Variants in CA10 observed in about 807,000 individuals in gnomAD.
CA10 encodes the protein carbonic anhydrase 10 (inactive).
A neutral mutation model predicts 44.2 loss-of-function variants in CA10; 14 were observed. That is an observed-to-expected ratio of 0.32 (90% CI 0.21 to 0.50). The LOEUF (loss-of-function observed/expected upper bound fraction) is 0.50. Ranked by LOEUF, CA10 falls within the 20% of genes least tolerant of loss-of-function variation. The probability of loss-of-function intolerance (pLI) is 0.99; values close to 1 mark genes in which losing one functional copy is unlikely to be tolerated. For missense variants in CA10, 350 were observed against 409.7 expected (o/e 0.85, Z 1.26); for synonymous variants, 159 against 141.6 (o/e 1.12, Z -0.87).
intron 4 of CA10, among the ~76,000 whole-genome samples, chr17:51,671,855 T>C (rs1224358827): frequency 6.6e-6 from 1 of 152,230 alleles, no homozygotes; most frequent in Non-Finnish European, 1.5e-5. Flanking sequence ...TCTTCCTCCT[T>C]TTGAAATCTT....
chr17:51,822,325 C>G (rs62063183), intron 3 of CA10, among the ~76,000 whole-genome samples: 2 of 151,818 alleles, frequency 1.3e-5, no homozygotes, highest in Non-Finnish European at 2.9e-5. Context: ...GGCTGAGACA[C>G]GAGAATAGCT....
intron 3 of CA10, among the ~76,000 whole-genome samples, chr17:51,860,560 C>T (rs964756364): frequency 1.3e-5 from 2 of 152,190 alleles, no homozygotes; most frequent in Non-Finnish European, 2.9e-5. Flanking sequence ...TGTCCACATT[C>T]ACTTTTCCTA....
chr17:51,849,333 C>T (rs1978686639), intron 3 of CA10, among the ~76,000 whole-genome samples: 1 of 149,046 alleles, frequency 6.7e-6, no homozygotes, highest in African/African-American at 2.5e-5. Flanking sequence ...TCACCTACCA[C>T]AGTGCCTAGC....
chr17:51,858,083 A>G (rs1448693939), intron 3 of CA10, among the ~76,000 whole-genome samples: 2 of 152,186 alleles, frequency 1.3e-5, no homozygotes, highest in African/African-American at 4.8e-5. Flanking sequence ...AGAAACGGAA[A>G]GGAGAGAAAT....
chr17:52,031,432 G>A (rs752539244), intron 2 of CA10, among the ~76,000 whole-genome samples: 2 of 152,136 alleles, frequency 1.3e-5, no homozygotes, highest in Non-Finnish European at 2.9e-5. Context: ...TTACAGGTGT[G>A]AGCCACTGTG....
intron 3 of CA10, among the ~76,000 whole-genome samples, chr17:51,832,651 C>T (rs1259382591): frequency 6.6e-6 from 1 of 152,182 alleles, no homozygotes; most frequent in Non-Finnish European, 1.5e-5. Context: ...TGCCTGATGA[C>T]CATCGAGGAT....
At chr17:52,000,702 C>A (rs1372762509) in intron 2 of CA10, among the ~76,000 whole-genome samples, 1 of 151,984 alleles carries the variant, frequency 6.6e-6, no homozygotes, top group African/African-American at 2.4e-5. Flanking sequence ...AAGTATGGAA[C>A]ATATAAGCAT....
intron 4 of CA10, among the ~76,000 whole-genome samples, chr17:51,743,695 A>C (rs1250879255): frequency 6.6e-6 from 1 of 152,232 alleles, no homozygotes; most frequent in Non-Finnish European, 1.5e-5. Context: ...TAATTGACTT[A>C]TCACGATCAG....
chr17:51,929,418 C>T (rs1214699815), intron 3 of CA10, among the ~76,000 whole-genome samples: 1 of 152,144 alleles, frequency 6.6e-6, no homozygotes, highest in Non-Finnish European at 1.5e-5. Context: ...TCAGGACCTG[C>T]CCTCTGCTGT....
chr17:52,085,354 T>C (rs1449974692), intron 1 of CA10, among the ~76,000 whole-genome samples: 1 of 152,192 alleles, frequency 6.6e-6, no homozygotes, highest in African/African-American at 2.4e-5. Context: ...ATGATTATGT[T>C]TCCTGTTTAC....
intron 1 of CA10, among the ~76,000 whole-genome samples, chr17:52,108,525 C>A (rs996864889): frequency 6.6e-6 from 1 of 151,124 alleles, no homozygotes; most frequent in Non-Finnish European, 1.5e-5. Flanking sequence ...GCTGAAACCC[C>A]GTCTCTACTA....
rs143792263 is a variant in CA10, at chr17:51,768,111, C to T, written c.280-20293G>A. On this transcript the variant is annotated intron_variant, in intron 3 of 8. Transcript: ENST00000451037. Reference sequence around the variant, plus strand: ...GCCACAATTTCCTTCGGGAAAAGTTCGGGGTAGGGATAAAGGCTAACATTT... The same window carrying T: ...GCCACAATTTCCTTCGGGAAAAGTTTGGGGTAGGGATAAAGGCTAACATTT... Among the ~76,000 whole-genome samples the T allele has an allele frequency of 5.0e-3, 763 of 151,336 alleles. 5 individuals carry two copies. The highest frequency in any genetic ancestry group is 0.018 in the African/African-American group (725 of 41,216).
chr17:52,144,590 C>A (rs568128125), intron 1 of CA10, among the ~76,000 whole-genome samples: 1 of 152,156 alleles, frequency 6.6e-6, no homozygotes, highest in Non-Finnish European at 1.5e-5. Flanking sequence ...ACATGATTAT[C>A]TCCCTTCTTA....
Position 51,820,409 on chromosome 17 carries a change from C to A in CA10, c.280-72591G>T, listed in dbSNP as rs369087714. On this transcript the variant is annotated intron_variant, in intron 3 of 8. Coordinates refer to ENST00000451037, the MANE Select transcript of CA10 (RefSeq NM_020178.5). Reference sequence around the variant, plus strand: ...TATAAACCTGGGGATTCCCCTACCCCCCCCCCCCCGCCCGCCGATTTTCCT... The same window carrying A: ...TATAAACCTGGGGATTCCCCTACCCACCCCCCCCCGCCCGCCGATTTTCCT... Among the ~76,000 whole-genome samples, 30 of 85,476 alleles carry A rather than the reference C, an allele frequency of 3.5e-4. 1 individual carries two copies. In the South Asian group the frequency reaches 6.2e-3, roughly 18 times the overall value. The allele number at this position is 85,476 out of a possible 152,430, so 56.1% of individuals were successfully genotyped here.
chr17:52,036,061 G>A (rs1274826876), intron 2 of CA10, among the ~76,000 whole-genome samples: 7 of 152,156 alleles, frequency 4.6e-5, no homozygotes, highest in South Asian at 4.1e-4. Context: ...TTTCTGATTC[G>A]GTAGGGGTGG....
intron 2 of CA10, among the ~76,000 whole-genome samples, chr17:52,049,093 A>G (rs1224242457): frequency 6.6e-6 from 1 of 152,134 alleles, no homozygotes; most frequent in Non-Finnish European, 1.5e-5. Context: ...AGCAATATTG[A>G]CTTTAAGTGG....
intron 3 of CA10, among the ~76,000 whole-genome samples, chr17:51,792,231 A>G (rs1464327602): frequency 6.6e-6 from 1 of 152,206 alleles, no homozygotes; most frequent in Non-Finnish European, 1.5e-5. Context: ...GAAGACAGCA[A>G]ATGGTGGAGC....
At chr17:52,006,667 T>C (rs1019014711) in intron 2 of CA10, among the ~76,000 whole-genome samples, 26 of 151,916 alleles carry the variant, frequency 1.7e-4, no homozygotes, top group Non-Finnish European at 1.5e-5. Context: ...TGTAATCATA[T>C]AGTATTTATG....
intron 2 of CA10, among the ~76,000 whole-genome samples, chr17:52,016,711 A>C (rs1038778712): frequency 2.6e-5 from 4 of 152,080 alleles, no homozygotes; most frequent in African/African-American, 9.7e-5. Flanking sequence ...TCAGAGGTTC[A>C]AGACTAGCCT....
Sources: allele counts gnomAD v4.1 joint callset (sites outside exome capture counted in the v4.1 genomes callset), GRCh38; gene constraint gnomAD v4.1.1; transcripts MANE v1.5; gene names NCBI Gene and HGNC (gene_info 2026-07-23, HGNC 2026-07-21).